KLHL29: variants seen among roughly 807,000 people sequenced by gnomAD.
KLHL29 encodes kelch like family member 29, also known as kelch-like protein 29.
KLHL29 carries 21 observed loss-of-function variants against 80.4 expected under a neutral mutation model. The observed-to-expected ratio is 0.26, with a 90% CI of 0.19 to 0.38. KLHL29 has a LOEUF of 0.38. Among genes scored for constraint, KLHL29 ranks in the 10% least tolerant of loss-of-function variants. The probability of loss-of-function intolerance (pLI) is 1.00; values close to 1 mark genes in which losing one functional copy is unlikely to be tolerated. For synonymous variants in KLHL29, 511 were observed against 526.8 expected (o/e 0.97, Z 0.41); for missense variants, 867 against 1,223.9 (o/e 0.71, Z 4.35).
In KLHL29 at chr2:23,671,037, A is replaced by C. The variant is rs2149176414; in HGVS notation, c.941-13362A>C. Among the ~76,000 whole-genome samples the C allele has an allele frequency of 8.5e-5, 5 of 58,752 alleles. 1 individual carries two copies. Among genetic ancestry groups the C allele is most frequent in the Non-Finnish European group, 8.6e-5 (2 of 23,230 alleles). 38.5% of individuals were successfully genotyped at this position (58,752 alleles called of 152,430 possible). A position where few individuals can be genotyped will look rare whatever the true frequency, so the allele number is the denominator to read the frequency against. On this transcript the variant is annotated intron_variant, in intron 5 of 13. Transcript: ENST00000486442. ...CTCCTCCCTTCCCTCCTAACCTCAC[A>C]TCCTCCCAGCTGTGACTCCTCCCTG... is the stretch of plus-strand genomic sequence containing the variant.
chr2:23,625,104 T>C (rs1669275588), intron 3 of KLHL29, among the ~76,000 whole-genome samples: 1 of 152,210 alleles, frequency 6.6e-6, no homozygotes, highest in Admixed American at 6.5e-5. Context: ...CTGGGAAATG[T>C]GAGCCGTGGT....
chr2:23,694,695 A>G (rs1671838713), intron 8 of KLHL29, among the ~76,000 whole-genome samples: 2 of 151,946 alleles, frequency 1.3e-5, no homozygotes, highest in Non-Finnish European at 2.9e-5. Context: ...CAGACACACC[A>G]TTCTCTTTCA....
chr2:23,565,196 C>T (rs1042398554), intron 3 of KLHL29, among the ~76,000 whole-genome samples: 24 of 152,186 alleles, frequency 1.6e-4, no homozygotes, highest in Non-Finnish European at 2.8e-4. Context: ...TGGGACAAGG[C>T]TCTACCCTCT....
intron 3 of KLHL29, among the ~76,000 whole-genome samples, chr2:23,589,093 T>C (rs1668189860): frequency 6.6e-6 from 1 of 152,236 alleles, no homozygotes; most frequent in African/African-American, 2.4e-5. Flanking sequence ...CACTGGGGTT[T>C]GATATGTTGA....
chr2:23,552,569 C>G (rs1038305557), intron 2 of KLHL29, among the ~76,000 whole-genome samples: 1 of 152,074 alleles, frequency 6.6e-6, no homozygotes, highest in Non-Finnish European at 1.5e-5. Flanking sequence ...ACGTTCTTCC[C>G]TCAAAGCTTT....
At chr2:23,630,518 T>C (rs759699331) in intron 3 of KLHL29, among the ~76,000 whole-genome samples, 4 of 152,038 alleles carry the variant, frequency 2.6e-5, no homozygotes, top group Non-Finnish European at 5.9e-5. Flanking sequence ...GAGTCTAGCT[T>C]TGTCACCCAG....
intron 2 of KLHL29, among the ~76,000 whole-genome samples, chr2:23,482,065 C>A (rs4665598): frequency 0.96 from 146,826 of 152,242 alleles, 70,846 homozygotes; most frequent in East Asian, 1. Flanking sequence ...TGTCCGCTGC[C>A]CTCAGTCCCA....
At chr2:23,541,158 G>A (rs1046965511) in intron 2 of KLHL29, among the ~76,000 whole-genome samples, 4 of 152,326 alleles carry the variant, frequency 2.6e-5, no homozygotes, top group Admixed American at 6.5e-5. Flanking sequence ...CACTTTCTTC[G>A]CTTGACAGGA....
At chr2:23,537,493 C>T (rs1040237853) in intron 2 of KLHL29, among the ~76,000 whole-genome samples, 8 of 142,090 alleles carry the variant, frequency 5.6e-5, no homozygotes, top group African/African-American at 2.0e-4. Flanking sequence ...TCCAGCAGAT[C>T]GGGAGGAGGC....
At position 23,706,727 on chromosome 2, in the gene KLHL29, A is replaced by T. The variant is rs904967102; in HGVS notation, c.*63A>T. 3 of 1,267,226 alleles carry T rather than the reference A, an allele frequency of 2.4e-6. No individual in the cohort carries two copies. In the African/African-American group the frequency reaches 4.6e-5, roughly 19 times the overall value. 78.5% of individuals were successfully genotyped at this position (1,267,226 alleles called of 1,614,324 possible). ...CTGGTGAGGCAAGTGCCACGCAATG[A>T]TAATTTTCCAGCGACACCAACAAGA... On this transcript the variant is annotated 3_prime_UTR_variant, in exon 14 of 14. Coordinates refer to ENST00000486442, the MANE Select transcript of KLHL29 (RefSeq NM_052920.2).
intron 1 of KLHL29, among the ~76,000 whole-genome samples, chr2:23,436,330 GTC>G (rs1427680944): frequency 0.018 from 2,504 of 138,030 alleles, 39 homozygotes; most frequent in Middle Eastern, 0.039. Flanking sequence ...GTGTGTGTGT[GTC>G]TCAGCACCAG....
chr2:23,389,706 G>T (rs536602588), intron 1 of KLHL29, among the ~76,000 whole-genome samples: 4 of 152,016 alleles, frequency 2.6e-5, no homozygotes, highest in East Asian at 1.9e-4. Context: ...AAAAGGGGGG[G>T]GCGGAATATA....
intron 2 of KLHL29, among the ~76,000 whole-genome samples, chr2:23,489,234 G>A (rs949709208): frequency 2.6e-5 from 4 of 152,154 alleles, no homozygotes; most frequent in Non-Finnish European, 5.9e-5. Flanking sequence ...CCAGCGGGGT[G>A]CTGAGTGATG....
intron 3 of KLHL29, among the ~76,000 whole-genome samples, chr2:23,572,569 A>C (rs1364168290): frequency 5.3e-5 from 8 of 152,220 alleles, no homozygotes; most frequent in African/African-American, 1.9e-4. Flanking sequence ...TGAATGGATT[A>C]ATATATATGA....
intron 2 of KLHL29, among the ~76,000 whole-genome samples, chr2:23,495,549 C>A (rs1296360237): frequency 1.3e-5 from 2 of 152,220 alleles, no homozygotes; most frequent in East Asian, 3.8e-4. Context: ...GTCAACCCTG[C>A]CATGTCCCCT....
intron 6 of KLHL29, chr2:23,691,022 T>G (rs942087096): frequency 6.5e-6 from 1 of 153,330 alleles, no homozygotes. Flanking sequence ...AGTCCTTGGT[T>G]GTTTCCTCTC....
intron 2 of KLHL29, among the ~76,000 whole-genome samples, chr2:23,489,133 A>G (rs1472635986): frequency 6.6e-6 from 1 of 152,198 alleles, no homozygotes; most frequent in African/African-American, 2.4e-5. Flanking sequence ...AGCAGAGAAC[A>G]TGGCGTTTCC....
chr2:23,635,752 G>C (rs991852555), intron 3 of KLHL29, among the ~76,000 whole-genome samples: 1 of 152,220 alleles, frequency 6.6e-6, no homozygotes, highest in African/African-American at 2.4e-5. Flanking sequence ...AGGCTCTCCT[G>C]GTCTGCCTCT....
intron 2 of KLHL29, among the ~76,000 whole-genome samples, chr2:23,539,120 C>T (rs1205625344): frequency 1.3e-5 from 2 of 152,142 alleles, no homozygotes; most frequent in East Asian, 1.9e-4. Context: ...TTTATATCCA[C>T]GCTTAGAAAG....
Sources: gnomAD v4.1 joint callset for allele counts (sites outside exome capture counted in the v4.1 genomes callset) on GRCh38, gnomAD v4.1.1 for gene constraint, MANE v1.5 for transcripts, NCBI Gene and HGNC (gene_info 2026-07-23, HGNC 2026-07-21) for gene names.